Variants in BOD1L1 observed in about 807,000 individuals in gnomAD.
BOD1L1 encodes the protein biorientation of chromosomes in cell division protein 1-like 1.
In BOD1L1, 86 loss-of-function variants were observed where a neutral mutation model predicts 240.7. That is an observed-to-expected ratio of 0.36 (90% confidence interval 0.30 to 0.43). The LOEUF (loss-of-function observed/expected upper bound fraction) is 0.43, where lower values mean the gene tolerates loss of function less well. BOD1L1 is among the 20% of genes least tolerant of loss of function. The pLI is 1.00. For synonymous variants in BOD1L1, 1,268 were observed against 1,272.3 expected, an observed-to-expected ratio of 1.00 and a Z score of 0.07; for missense variants, 3,554 against 3,643.5, an observed-to-expected ratio of 0.98 and a Z score of 0.63.
In BOD1L1 at chr4:13,599,925, G is replaced by A. The variant is rs755637454; in HGVS notation, c.6975C>T (p.Ser2325=). 11 of 1,613,354 alleles carry A rather than the reference G, an allele frequency of 6.8e-6. No individual in the cohort carries two copies. The highest frequency in any genetic ancestry group is 5.0e-5 in the Admixed American group (3 of 59,934). Residue 2325 remains serine, a synonymous_variant, in exon 10 of 26, where the codon AGC becomes AGT. Transcript: ENST00000040738. The part of the protein sequence containing the change: ...RLTITRVEDL[S]DAAIISTSTA... The stretch of plus-strand genomic sequence containing the variant: ...TGCTGGTGGAGATGATGGCAGCATC[G>A]CTCAAGTCTTCTACTCTTGTGATGG...
Position 13,582,647 on chromosome 4 carries a change from C to G in BOD1L1, c.8518+5G>C, listed in dbSNP as rs779541441. The stretch of plus-strand genomic sequence containing the variant: ...TCAATTTACCCAAGCAGATATTTTA[C>G]TCACCTTTTTCTTCCATGACCCTTG... On this transcript the variant is annotated splice_donor_5th_base_variant and intron_variant, in intron 18 of 25. Transcript: ENST00000040738. 1 of 1,602,754 alleles carries G rather than the reference C, an allele frequency of 6.2e-7. No individual in the cohort carries two copies. Among genetic ancestry groups the G allele is most frequent in the Non-Finnish European group, 8.5e-7 (1 of 1,170,266 alleles).
At position 13,619,814 on chromosome 4, in the gene BOD1L1, T is replaced by C. The variant is rs557281485; in HGVS notation, c.368+129A>G. On this transcript the variant is annotated intron_variant, in intron 2 of 25. Coordinates refer to ENST00000040738, the MANE Select transcript of BOD1L1 (RefSeq NM_148894.3). ...CAAAATTATGCTACATCACACGAAA[T>C]AGCCACACCAAATCCAGTAAAATTG... 3.4e-6 allele frequency: 4 copies of C among 1,192,016 alleles called. No homozygotes were observed. In the South Asian group the frequency reaches 7.1e-5, roughly 21 times the overall value. 73.8% of individuals were successfully genotyped at this position (1,192,016 alleles called of 1,614,324 possible).
At position 13,607,107 on chromosome 4, in the gene BOD1L1, T is replaced by G. The variant is rs1264516279; in HGVS notation, c.1815+10A>C. 9 of 1,525,164 alleles carry G rather than the reference T, an allele frequency of 5.9e-6. No individual in the cohort carries two copies. The highest frequency in any genetic ancestry group is 8.9e-7 in the Non-Finnish European group (1 of 1,127,610). The allele number at this position is 1,525,164 out of a possible 1,614,324, so 94.5% of individuals were successfully genotyped here. A position where few individuals can be genotyped will look rare whatever the true frequency, so the allele number is the denominator to read the frequency against. On this transcript the variant is annotated intron_variant, in intron 9 of 25. Coordinates refer to ENST00000040738, the MANE Select transcript of BOD1L1 (RefSeq NM_148894.3). Reference sequence around the variant, plus strand: ...AACAGCATTTGAAATGAGGTTTTATTAAGGCATACCTCACTTGTTTTAAGG... The same window carrying G: ...AACAGCATTTGAAATGAGGTTTTATGAAGGCATACCTCACTTGTTTTAAGG...
intron 2 of BOD1L1, 110 bp from the exon 3 acceptor site, chr4:13,615,612 C>T (rs1716525298): frequency 2.9e-6 from 3 of 1,046,758 alleles, no homozygotes; most frequent in African/African-American, 1.6e-5. Flanking sequence ...TCCATCCAAC[C>T]TTAAATTGTC....
intron 24 of BOD1L1, 85 bp from the exon 25 acceptor site, chr4:13,577,076 G>A: frequency 6.8e-7 from 1 of 1,467,508 alleles, no homozygotes; most frequent in Non-Finnish European, 9.2e-7. Context: ...TAGAACTTAG[G>A]ATATTAGGGA....
chr4:13,599,986 A>C lies in BOD1L1; in HGVS notation c.6914T>G (p.Met2305Arg). Residue 2305 changes from methionine to arginine, a missense_variant, in exon 10 of 26, where the codon ATG becomes AGG. Transcript: ENST00000040738. ...TSTSEGCEAV[M>R]IGAVLQDEDR... ...TTCATCCTGGAGGACAGCACCAATC[A>C]TGACTGCTTCACACCCTTCAGAGGT... 6.2e-7 allele frequency: 1 copy of C among 1,611,076 alleles called. No individual in the cohort carries two copies. The highest frequency in any genetic ancestry group is 2.2e-5 in the East Asian group (1 of 44,758).
intron 14 of BOD1L1, among the ~76,000 whole-genome samples, chr4:13,589,993 C>A (rs896754670): frequency 3.3e-5 from 5 of 152,154 alleles, no homozygotes; most frequent in African/African-American, 1.2e-4. Context: ...GGGAGAAGAC[C>A]CACATAAATG....
At position 13,579,959 on chromosome 4, in the gene BOD1L1, T is replaced by C; in HGVS notation, c.8718A>G (p.Pro2906=). ...GCATTACTTTCAGTTTGCTGCTAGA[T>C]GGAGATTGTTCTACCTATGTTTAAA... is the stretch of plus-strand genomic sequence containing the variant. ...DTGIVTVEQS[P]SSSKLKVMQT... The change falls in exon 22 of 26, where the codon CCA becomes CCG. Residue 2906 remains proline (P), a synonymous_variant. Coordinates refer to ENST00000040738, the MANE Select transcript of BOD1L1 (RefSeq NM_148894.3). 1.9e-6 allele frequency: 3 copies of C among 1,558,748 alleles called. No homozygotes were observed. The South Asian group carries it at 3.6e-5, about 18-fold the overall frequency.
chr4:13,595,890 T>C lies in BOD1L1; in HGVS notation c.8074A>G (p.Ser2692Gly), dbSNP rs766789578. 2.5e-6 allele frequency: 4 copies of C among 1,613,776 alleles called. No homozygotes were observed. The South Asian group carries it at 4.4e-5, about 18-fold the overall frequency. The change falls in exon 12 of 26, where the codon AGT becomes GGT. Residue 2692 changes from serine to glycine, a missense_variant. Ser to Gly is a moderately conservative substitution (Grantham distance 56). This residue lies in a region of BOD1L1 where 3,393 missense variants were observed against 3,427.1 expected (regional missense o/e 0.99). Coordinates refer to ENST00000040738, the MANE Select transcript of BOD1L1 (RefSeq NM_148894.3). ...KNGEILAPPESLCGGKPSGIA... is the reference protein window; with the variant it reads ...KNGEILAPPEGLCGGKPSGIA... ...CCACTTGGCTTTCCCCCACACAGAC[T>C]TTCTGGTGGTGCCAGAATTTCACCA... is the stretch of plus-strand genomic sequence containing the variant.
Position 13,586,386 on chromosome 4 carries a change from G to GA in BOD1L1, c.8433+9dup. On this transcript the variant is annotated intron_variant, in intron 17 of 25. Coordinates refer to ENST00000040738, the MANE Select transcript of BOD1L1 (RefSeq NM_148894.3). The stretch of plus-strand genomic sequence containing the variant: ...ACCCAAAACTTAAAACTAATATGTG[G>GA]AAAAAATACCTTTGTGTCATGTGGC... 2 of 1,601,316 alleles carry GA rather than the reference G, an allele frequency of 1.2e-6. No individual in the cohort carries two copies. The highest frequency in any genetic ancestry group is 2.2e-5 in the South Asian group (2 of 89,374).
chr4:13,602,676 G>T lies in BOD1L1; in HGVS notation c.4224C>A (p.Asp1408Glu), dbSNP rs777402072. ...TTAAGTCATTTTCTTTCTTGGCCAT[G>T]TCCACTAAGCCACCTTCTTTGGTAA... ...ENITKEGGLV[D>E]MAKKENDLNA... The change falls in exon 10 of 26, where the codon GAC becomes GAA. Residue 1408 changes from aspartate to glutamate, a missense_variant. This residue lies in a region of BOD1L1 where 3,393 missense variants were observed against 3,427.1 expected (regional missense o/e 0.99). Transcript: ENST00000040738. The T allele has an allele frequency of 6.2e-7, 1 of 1,614,008 alleles. No homozygotes were observed. The highest frequency in any genetic ancestry group is 2.2e-5 in the East Asian group (1 of 44,880).
At chr4:13,620,136 AT>A in intron 1 of BOD1L1, 69 bp from the exon 2 acceptor site, 1 of 1,439,604 alleles carries the variant, frequency 6.9e-7, no homozygotes, top group Non-Finnish European at 9.3e-7. Context: ...TCAGAAAAGT[AT>A]TTTTACCATG....
At chr4:13,622,039 A>AT (rs1208446192) in intron 1 of BOD1L1, among the ~76,000 whole-genome samples, 4 of 151,718 alleles carry the variant, frequency 2.6e-5, no homozygotes, top group Admixed American at 6.6e-5. Flanking sequence ...TAATTTTTGT[A>AT]TTTTTAGTGG....
intron 5 of BOD1L1, among the ~76,000 whole-genome samples, chr4:13,612,676 A>C (rs1425678214): frequency 6.6e-6 from 1 of 152,160 alleles, no homozygotes; most frequent in Non-Finnish European, 1.5e-5. Flanking sequence ...TCTGGGAGGT[A>C]ATCTCTAAGC....
At chr4:13,608,116 A>T (rs1715858700) in intron 8 of BOD1L1, among the ~76,000 whole-genome samples, 1 of 152,166 alleles carries the variant, frequency 6.6e-6, no homozygotes, top group African/African-American at 2.4e-5. Flanking sequence ...GGGGAGAATC[A>T]TGGAATACTG....
chr4:13,576,601 C>T (rs1364858769), intron 25 of BOD1L1, among the ~76,000 whole-genome samples: 3 of 152,114 alleles, frequency 2.0e-5, no homozygotes, highest in Non-Finnish European at 4.4e-5. Flanking sequence ...GAATGGGTTC[C>T]ACCAAATAGG....
rs796200872 is a variant in BOD1L1, at chr4:13,599,130, G to C, written c.7770C>G (p.Tyr2590Ter). ...PSHTMIPPAT[Y>*]SVALLAPKCE... ...ATTTAGGAGCCAACAGAGCTACACT[G>C]TAAGTAGCTGGAGGGATCATTGTGT... Residue 2590 changes from tyrosine to a stop codon, truncating the protein, a stop_gained, in exon 10 of 26, where the codon TAC (tyrosine) becomes TAG (stop). Coordinates refer to ENST00000040738, the MANE Select transcript of BOD1L1 (RefSeq NM_148894.3). LOFTEE classifies it high-confidence loss of function. The C allele has an allele frequency of 6.2e-7, 1 of 1,613,796 alleles. No individual in the cohort carries two copies.
intron 25 of BOD1L1, among the ~76,000 whole-genome samples, chr4:13,572,405 G>T (rs1712283853): frequency 6.6e-6 from 1 of 152,156 alleles, no homozygotes; most frequent in East Asian, 1.9e-4. Context: ...AATGATTCTG[G>T]GCTGTTAAAT....
rs564458216 is a variant in BOD1L1, at chr4:13,594,700, T to G, written c.8104+1160A>C. ...TCACGAGGTCAGGAGATCGAGACCATCCTGGCCAATATGGTGAAACCCCAT... is the reference window on the plus strand; with the variant it reads ...TCACGAGGTCAGGAGATCGAGACCAGCCTGGCCAATATGGTGAAACCCCAT... On this transcript the variant is annotated intron_variant, in intron 12 of 25. Coordinates refer to ENST00000040738, the MANE Select transcript of BOD1L1 (RefSeq NM_148894.3). 5.1e-3 allele frequency among the ~76,000 whole-genome samples: 769 copies of G among 152,068 alleles called. 1 individual carries two copies. The highest frequency in any genetic ancestry group is 8.7e-3 in the Non-Finnish European group (589 of 67,970).
Sources: gnomAD v4.1 joint callset for allele counts (sites outside exome capture counted in the v4.1 genomes callset) on GRCh38, gnomAD v4.1.1 for gene constraint, gnomAD v4.1.1 regional missense constraint, MANE v1.5 for transcripts, NCBI Gene and HGNC (gene_info 2026-07-23, HGNC 2026-07-21) for gene names.